Variants in XRRA1 observed in about 807,000 individuals in gnomAD.
The protein encoded by XRRA1 is X-ray radiation resistance associated 1.
A neutral mutation model predicts 80.2 loss-of-function variants in XRRA1; 69 were observed. That is an observed-to-expected ratio of 0.86 (90% CI 0.71 to 1.05). The LOEUF (loss-of-function observed/expected upper bound fraction) is 1.05, where lower values mean the gene tolerates loss of function less well. Among genes scored for constraint, XRRA1 ranks in the 50% least tolerant of loss-of-function variants. The pLI, the probability that XRRA1 is intolerant of heterozygous loss-of-function variation, is 0.00. For missense variants in XRRA1, 967 were observed against 976.4 expected (o/e 0.99, Z 0.13); for synonymous variants, 348 against 389.9 (o/e 0.89, Z 1.27).
intron 10 of XRRA1, among the ~76,000 whole-genome samples, chr11:74,888,152 C>A (rs2049557982): frequency 6.6e-6 from 1 of 152,188 alleles, no homozygotes; most frequent in Non-Finnish European, 1.5e-5. Context: ...CCCCGAGTAG[C>A]CTAACTGGGA....
intron 12 of XRRA1, among the ~76,000 whole-genome samples, chr11:74,853,904 T>C (rs1222128688): frequency 6.6e-6 from 1 of 152,004 alleles, no homozygotes; most frequent in Non-Finnish European, 1.5e-5. Flanking sequence ...TGGTTTAAGA[T>C]TTGGGTCCTT....
intron 11 of XRRA1, among the ~76,000 whole-genome samples, chr11:74,862,278 A>G (rs2042466180): frequency 6.6e-6 from 1 of 152,182 alleles, no homozygotes; most frequent in South Asian, 2.1e-4. Context: ...CGTCGACTCA[A>G]TTGTGAGTGG....
rs138706553 is a variant in XRRA1 at position 74,934,029 on chromosome 11, C to T, written c.280-157G>A. Among the ~76,000 whole-genome samples the T allele has an allele frequency of 2.6e-5, 4 of 152,310 alleles. No individual in the cohort carries two copies. The East Asian group carries it at 7.7e-4, about 29-fold the overall frequency. On this transcript the variant is annotated intron_variant, in intron 4 of 18. Coordinates refer to ENST00000684022, the MANE Select transcript of XRRA1 (RefSeq NM_001378157.1). ...TTCATTCATTCATTATTCATCCATT[C>T]ATTCGCCAAATATTTACCAAACACT... is the stretch of plus-strand genomic sequence containing the variant.
At chr11:74,869,667 G>T (rs2044312852) in intron 10 of XRRA1, among the ~76,000 whole-genome samples, 1 of 152,022 alleles carries the variant, frequency 6.6e-6, no homozygotes, top group Admixed American at 6.6e-5. Flanking sequence ...CCATTTTTTT[G>T]TGCCCTATGC....
chr11:74,844,102 A>G, intron 17 of XRRA1, 66 bp downstream of exon 17: 2 of 1,512,776 alleles, frequency 1.3e-6, no homozygotes, highest in Admixed American at 1.7e-5. Flanking sequence ...CCAAGGTGAC[A>G]GCCACATCTG....
At chr11:74,890,463 T>G (rs1189004283) in intron 10 of XRRA1, among the ~76,000 whole-genome samples, 1 of 152,110 alleles carries the variant, frequency 6.6e-6, no homozygotes, top group Admixed American at 6.5e-5. Context: ...ATATCTAAAA[T>G]TGACACCCTA....
chr11:74,930,410 A>AAGATT, intron 5 of XRRA1, 38 bp from the exon 6 acceptor site: 1 of 1,474,532 alleles, frequency 6.8e-7, no homozygotes. Context: ...AAAAATCCAC[A>AAGATT]AGATTAGTTC....
intron 2 of XRRA1, among the ~76,000 whole-genome samples, chr11:74,943,962 T>C (rs927433363): frequency 3.3e-5 from 5 of 151,964 alleles, no homozygotes; most frequent in East Asian, 1.9e-4. Context: ...GCTGGGACTA[T>C]AGGCACATGC....
At chr11:74,933,351 G>A (rs1416455787) in intron 5 of XRRA1, 2 of 153,962 alleles carry the variant, frequency 1.3e-5, no homozygotes, top group Admixed American at 6.4e-5. Flanking sequence ...TCTGCCTCAG[G>A]GGTTCAAGCA....
At position 74,913,825 on chromosome 11, in the gene XRRA1, GATTA is replaced by G. The variant is rs1176522743; in HGVS notation, c.657-6556_657-6553del. 2.0e-5 allele frequency: 3 copies of G among 152,118 alleles called. No individual in the cohort carries two copies. The East Asian group carries it at 5.8e-4, about 29-fold the overall frequency. 9.4% of individuals were successfully genotyped at this position (152,118 alleles called of 1,614,324 possible). On this transcript the variant is annotated intron_variant, in intron 8 of 18. Transcript: ENST00000684022. Reference sequence around the variant, plus strand: ...TCAAAATTCAGGGTACTACGATATGGATTAATTTTTTGTTGTTATCCAGGTATCT... The same window carrying G: ...TCAAAATTCAGGGTACTACGATATGGATTTTTTGTTGTTATCCAGGTATCT...
chr11:74,937,383 A>G (rs1433193675), intron 3 of XRRA1, among the ~76,000 whole-genome samples: 1 of 152,180 alleles, frequency 6.6e-6, no homozygotes, highest in Non-Finnish European at 1.5e-5. Flanking sequence ...TTCAAAAACT[A>G]AGATCAAGTA....
At chr11:74,942,003 C>A (rs1946422973) in intron 2 of XRRA1, among the ~76,000 whole-genome samples, 1 of 151,928 alleles carries the variant, frequency 6.6e-6, no homozygotes, top group Non-Finnish European at 1.5e-5. Context: ...GTCCCAGCTA[C>A]TTGGGAGGCT....
chr11:74,902,565 C>T (rs1258355639), intron 10 of XRRA1, among the ~76,000 whole-genome samples: 4 of 152,176 alleles, frequency 2.6e-5, no homozygotes, highest in African/African-American at 7.2e-5. Context: ...TACATATATA[C>T]AATGGAGTAC....
intron 10 of XRRA1, among the ~76,000 whole-genome samples, chr11:74,890,427 T>C (rs1015155715): frequency 3.3e-5 from 5 of 152,154 alleles, no homozygotes. Flanking sequence ...TTTATAGCAC[T>C]AAATGCCCAC....
intron 4 of XRRA1, among the ~76,000 whole-genome samples, chr11:74,935,533 C>T (rs1944750881): frequency 6.6e-6 from 1 of 152,186 alleles, no homozygotes; most frequent in African/African-American, 2.4e-5. Flanking sequence ...GATTTGACAA[C>T]TATCTTGTAA....
At chr11:74,866,721 CAG>C (rs937593211) in intron 10 of XRRA1, among the ~76,000 whole-genome samples, 3 of 145,512 alleles carry the variant, frequency 2.1e-5, no homozygotes, top group Non-Finnish European at 3.0e-5. Context: ...AAAAAGTCAA[CAG>C]AGAGTATCAA....
chr11:74,921,408 T>G (rs1292230614), intron 7 of XRRA1, 61 bp from the exon 8 acceptor site: 6 of 1,597,944 alleles, frequency 3.8e-6, no homozygotes, highest in Non-Finnish European at 5.1e-6. Context: ...AATGCTCATA[T>G]ATGATGTGGG....
At chr11:74,916,467 A>C (rs561329465) in intron 8 of XRRA1, among the ~76,000 whole-genome samples, 190 of 152,054 alleles carry the variant, frequency 1.2e-3, no homozygotes, top group Non-Finnish European at 2.2e-3. Flanking sequence ...CTCTCCAGTG[A>C]ATTTTTCATT....
At chr11:74,887,463 G>A (rs2049321430) in intron 10 of XRRA1, among the ~76,000 whole-genome samples, 1 of 152,186 alleles carries the variant, frequency 6.6e-6, no homozygotes, top group South Asian at 2.1e-4. Flanking sequence ...TGGCCAAATA[G>A]GAACAGCTCC....
Sources: allele counts gnomAD v4.1 joint callset (sites outside exome capture counted in the v4.1 genomes callset), GRCh38; gene constraint gnomAD v4.1.1; transcripts MANE v1.5; gene names NCBI Gene and HGNC (gene_info 2026-07-23, HGNC 2026-07-21).